The following PTPN3 variants were observed in gnomAD, a reference collection of about 807,000 sequenced individuals.
PTPN3 encodes tyrosine-protein phosphatase non-receptor type 3.
Under a neutral mutation model 132.7 loss-of-function variants are expected in PTPN3, and 96 were observed. That is an observed-to-expected ratio of 0.72 (90% CI 0.61 to 0.86). PTPN3 has a LOEUF of 0.86. Ranked by LOEUF, PTPN3 falls within the 40% of genes least tolerant of loss-of-function variation. The probability of loss-of-function intolerance (pLI) is 0.00; values close to 1 mark genes in which losing one functional copy is unlikely to be tolerated. For missense variants in PTPN3, 1,125 were observed against 1,159.6 expected, an observed-to-expected ratio of 0.97 and a Z score of 0.43; for synonymous variants, 398 against 429.0, an observed-to-expected ratio of 0.93 and a Z score of 0.89.
Position 109,377,354 on chromosome 9 carries a change from A to G in PTPN3, c.*2202T>C, listed in dbSNP as rs928985800. On this transcript the variant is annotated 3_prime_UTR_variant, in exon 26 of 26. Coordinates refer to ENST00000374541, the MANE Select transcript of PTPN3 (RefSeq NM_002829.4). The stretch of plus-strand genomic sequence containing the variant: ...GGTGGGAAGATCACTTGAGGCCAGG[A>G]GTTTGAGACCAGCCTAGGCAACACA... The G allele has an allele frequency of 2.7e-5, 4 of 150,490 alleles. No individual in the cohort carries two copies. Among genetic ancestry groups the G allele is most frequent in the African/African-American group, 7.4e-5 (3 of 40,600 alleles). The allele number at this position is 150,490 out of a possible 1,614,324, so 9.3% of individuals were successfully genotyped here.
chr9:109,401,948 C>T (rs940023058), intron 19 of PTPN3, among the ~76,000 whole-genome samples: 2 of 152,178 alleles, frequency 1.3e-5, no homozygotes, highest in African/African-American at 4.8e-5. Context: ...CTTACCCTGT[C>T]TTGGTCTTCA....
chr9:109,468,933 A>T (rs1846235967), intron 1 of PTPN3, among the ~76,000 whole-genome samples: 1 of 152,246 alleles, frequency 6.6e-6, no homozygotes, highest in Admixed American at 6.5e-5. Context: ...TGAATGTTCC[A>T]TTTCTTAAAG....
the PTPN3 span, among the ~76,000 whole-genome samples, chr9:109,510,558 T>TA: frequency 0.015 from 1,129 of 74,068 alleles, 47 homozygotes; most frequent in East Asian, 0.028. Context: ...AACTTTGTCT[T>TA]AAAAAAAAAA....
intron 22 of PTPN3, among the ~76,000 whole-genome samples, chr9:109,386,697 C>T (rs1214074870): frequency 5.9e-5 from 9 of 152,214 alleles, no homozygotes; most frequent in East Asian, 3.9e-4. Context: ...ACCCAGGGAA[C>T]GACAGACAGT....
intron 2 of PTPN3, among the ~76,000 whole-genome samples, chr9:109,461,726 C>T (rs988962569): frequency 6.6e-6 from 1 of 151,424 alleles, no homozygotes; most frequent in Non-Finnish European, 1.5e-5. Context: ...CACTGCACTC[C>T]AGCCTGGGTG....
the PTPN3 span, among the ~76,000 whole-genome samples, chr9:109,523,071 C>T: frequency 5.4e-4 from 80 of 149,510 alleles, no homozygotes; most frequent in African/African-American, 1.8e-3. Flanking sequence ...TATTTAATTA[C>T]GTTCATTAAA....
intron 1 of PTPN3, among the ~76,000 whole-genome samples, chr9:109,470,087 C>T (rs1340073867): frequency 1.3e-5 from 2 of 151,904 alleles, no homozygotes; most frequent in Non-Finnish European, 2.9e-5. Context: ...AACAGATGAC[C>T]GATCTAGAGA....
chr9:109,532,944 G>GTTTTTTT, the PTPN3 span: 5 of 312,180 alleles, frequency 1.6e-5, no homozygotes, highest in African/African-American at 1.4e-4. Context: ...TCTTTTCTGG[G>GTTTTTTT]TTTTTTTTTT....
intron 2 of PTPN3, among the ~76,000 whole-genome samples, chr9:109,460,462 T>C (rs1242827829): frequency 6.6e-6 from 1 of 152,154 alleles, no homozygotes; most frequent in Non-Finnish European, 1.5e-5. Flanking sequence ...CTCAGAATGA[T>C]CTACAAGGCT....
chr9:109,462,562 C>T lies in PTPN3; in HGVS notation c.138+735G>A, dbSNP rs530507430. 5.3e-5 allele frequency among the ~76,000 whole-genome samples: 8 copies of T among 152,104 alleles called. No individual in the cohort carries two copies. The South Asian group carries it at 1.7e-3, about 32-fold the overall frequency. On this transcript the variant is annotated intron_variant, in intron 2 of 25. Transcript: ENST00000374541. ...TTGGGACTGATCCTGTTAGGACTGGCCAGAGGATGGAAGAGGTCATGGGCA... is the reference window on the plus strand; with the variant it reads ...TTGGGACTGATCCTGTTAGGACTGGTCAGAGGATGGAAGAGGTCATGGGCA...
chr9:109,399,166 T>C (rs532041925), intron 19 of PTPN3, among the ~76,000 whole-genome samples: 1 of 152,318 alleles, frequency 6.6e-6, no homozygotes, highest in African/African-American at 2.4e-5. Flanking sequence ...TAAAATTTTA[T>C]TTATTTTTTT....
the PTPN3 span, chr9:109,511,480 A>G: frequency 6.5e-6 from 1 of 153,576 alleles, no homozygotes; most frequent in South Asian, 2.1e-4. Context: ...CAGTGTGCCA[A>G]TGCCTATCAA....
At chr9:109,398,606 A>G (rs565491841) in intron 19 of PTPN3, among the ~76,000 whole-genome samples, 10 of 152,322 alleles carry the variant, frequency 6.6e-5, no homozygotes, top group African/African-American at 2.2e-4. Flanking sequence ...GCTGTAATCC[A>G]TCAACTGGGG....
At chr9:109,465,735 T>C (rs1006199456) in intron 1 of PTPN3, among the ~76,000 whole-genome samples, 3 of 132,312 alleles carry the variant, frequency 2.3e-5, no homozygotes, top group Non-Finnish European at 4.8e-5. Context: ...AAAAAGAATA[T>C]GTGAAGTAAT....
intron 7 of PTPN3, among the ~76,000 whole-genome samples, chr9:109,442,313 G>A (rs1013313303): frequency 1.3e-5 from 2 of 152,146 alleles, no homozygotes; most frequent in Non-Finnish European, 2.9e-5. Flanking sequence ...CTCCCAAAGC[G>A]CTGAGAATAC....
chr9:109,436,938 T>A lies in PTPN3; in HGVS notation c.620A>T (p.Tyr207Phe). 1 of 1,614,138 alleles carries A rather than the reference T, an allele frequency of 6.2e-7. No individual in the cohort carries two copies. Among genetic ancestry groups the A allele is most frequent in the Non-Finnish European group, 8.5e-7 (1 of 1,179,992 alleles). The change falls in exon 9 of 26, where the codon TAT (tyrosine) becomes TTT (phenylalanine). Residue 207 changes from tyrosine to phenylalanine, a missense_variant. By Grantham distance (22) the Tyr-to-Phe change is conservative. Transcript: ENST00000374541. ...GTCGAGGGTCCGCGCTATGTTGATA[T>A]AGCAGGATTCTGCTTCTGATTGTTT... ...GLKQSEAESC[Y>F]INIARTLDFY...
At chr9:109,520,258 CCA>C in the PTPN3 span, among the ~76,000 whole-genome samples, 2 of 152,074 alleles carry the variant, frequency 1.3e-5, no homozygotes, top group African/African-American at 4.8e-5. Context: ...TGCATTTTCC[CCA>C]GGGAACTTGA....
At chr9:109,500,326 C>T (rs1164100742), upstream of PTPN3, among the ~76,000 whole-genome samples, 1 of 152,172 alleles carries the variant, frequency 6.6e-6, no homozygotes, top group Non-Finnish European at 1.5e-5. Flanking sequence ...ACTGAAATTA[C>T]CTTTTCTTTT....
At chr9:109,482,164 TG>T (rs768302083) in intron 1 of PTPN3, among the ~76,000 whole-genome samples, 1 of 152,218 alleles carries the variant, frequency 6.6e-6, no homozygotes, top group Non-Finnish European at 1.5e-5. Flanking sequence ...CCAATGGGGC[TG>T]GAAGGCAGTC....
Sources: allele counts gnomAD v4.1 joint callset (sites outside exome capture counted in the v4.1 genomes callset), GRCh38; gene constraint gnomAD v4.1.1; transcripts MANE v1.5; gene names NCBI Gene and HGNC (gene_info 2026-07-23, HGNC 2026-07-21).